MARCHF1: variants seen among roughly 807,000 people sequenced by gnomAD.
The protein encoded by MARCHF1 is E3 ubiquitin-protein ligase MARCHF1.
A neutral mutation model predicts 54.2 loss-of-function variants in MARCHF1; 40 were observed. The observed-to-expected ratio is 0.74, with a 90% CI of 0.57 to 0.96. The LOEUF (loss-of-function observed/expected upper bound fraction) is 0.96. Ranked by LOEUF, MARCHF1 falls within the 40% of genes least tolerant of loss-of-function variation. MARCHF1 has a pLI of 0.00. For missense variants in MARCHF1, 586 were observed against 656.5 expected (o/e 0.89, Z 1.17); for synonymous variants, 236 against 236.3 (o/e 1.00, Z 0.01).
At chr4:163,898,538 T>C (rs889786169) in intron 3 of MARCHF1, among the ~76,000 whole-genome samples, 3 of 152,162 alleles carry the variant, frequency 2.0e-5, no homozygotes, top group African/African-American at 7.2e-5. Context: ...GAACAACAGA[T>C]GTTGGTGAGG....
At chr4:164,110,121 G>T (rs1227314786) in intron 2 of MARCHF1, among the ~76,000 whole-genome samples, 1 of 51,800 alleles carries the variant, frequency 1.9e-5, no homozygotes, top group Non-Finnish European at 4.8e-5. Flanking sequence ...TGGAATTGGA[G>T]ATACACACAC....
In MARCHF1 at chr4:163,710,490, C is replaced by A. The variant is rs1055573108; in HGVS notation, c.112-9627G>T. ...AATATCAAAAATATCTAAAGAAGAG[C>A]TCCCTTTTCTCCCTAAAAAATATTA... On this transcript the variant is annotated intron_variant, in intron 4 of 9. Transcript: ENST00000514618. Among the ~76,000 whole-genome samples, 7 of 152,184 alleles carry A rather than the reference C, an allele frequency of 4.6e-5. No homozygotes were observed. The East Asian group carries it at 1.4e-3, about 29-fold the overall frequency.
intron 4 of MARCHF1, among the ~76,000 whole-genome samples, chr4:163,804,119 A>G (rs967170929): frequency 6.6e-6 from 1 of 152,248 alleles, no homozygotes; most frequent in Non-Finnish European, 1.5e-5. Flanking sequence ...AAGAACTGTC[A>G]TTATAGAACT....
At chr4:164,141,342 T>C (rs1466584547) in intron 1 of MARCHF1, among the ~76,000 whole-genome samples, 1 of 152,214 alleles carries the variant, frequency 6.6e-6, no homozygotes, top group Non-Finnish European at 1.5e-5. Context: ...TTTTATTTGC[T>C]TCATCTAAAA....
chr4:163,923,514 A>G (rs1751475018), intron 3 of MARCHF1, among the ~76,000 whole-genome samples: 1 of 152,116 alleles, frequency 6.6e-6, no homozygotes, highest in Admixed American at 6.6e-5. Flanking sequence ...TGAGCATTAC[A>G]GTTTTTATTA....
intron 4 of MARCHF1, among the ~76,000 whole-genome samples, chr4:163,773,668 G>A (rs1195876565): frequency 6.6e-6 from 1 of 152,142 alleles, no homozygotes; most frequent in East Asian, 1.9e-4. Context: ...AGCAATGGGT[G>A]ACACCTCATT....
intron 7 of MARCHF1, among the ~76,000 whole-genome samples, chr4:163,602,030 G>T (rs1740989043): frequency 6.6e-6 from 1 of 151,460 alleles, no homozygotes; most frequent in Non-Finnish European, 1.5e-5. Context: ...TAAGAACAAG[G>T]CATATCTTTA....
At chr4:163,901,656 G>T (rs1203755153) in intron 3 of MARCHF1, among the ~76,000 whole-genome samples, 1 of 152,174 alleles carries the variant, frequency 6.6e-6, no homozygotes, top group Non-Finnish European at 1.5e-5. Flanking sequence ...GGTTGTGAAG[G>T]CCTAGGCAGT....
chr4:164,159,428 T>C (rs146617733), intron 1 of MARCHF1, among the ~76,000 whole-genome samples: 36 of 152,320 alleles, frequency 2.4e-4, no homozygotes, highest in Admixed American at 2.4e-3. Flanking sequence ...ATTCATTGAA[T>C]AAATGTTTCT....
chr4:163,986,246 CTTCTTTTTT>C (rs1553967966), intron 3 of MARCHF1, among the ~76,000 whole-genome samples: 1,134 of 73,754 alleles, frequency 0.015, 135 homozygotes, highest in Non-Finnish European at 0.024. Flanking sequence ...TAATTAACCT[CTTCTTTTTT>C]TTTTTTTTTT....
chr4:164,166,099 C>G (rs1730372987), intron 1 of MARCHF1, among the ~76,000 whole-genome samples: 1 of 151,956 alleles, frequency 6.6e-6, no homozygotes, highest in Admixed American at 6.6e-5. Flanking sequence ...AAGACACACT[C>G]CCACTGGAAT....
intron 1 of MARCHF1, among the ~76,000 whole-genome samples, chr4:164,331,977 T>C (rs1393935370): frequency 1.3e-5 from 2 of 152,196 alleles, no homozygotes; most frequent in Non-Finnish European, 2.9e-5. Context: ...TCCCACATAG[T>C]TCAATGCTCC....
At chr4:164,100,499 A>G (rs1304575275) in intron 2 of MARCHF1, among the ~76,000 whole-genome samples, 2 of 152,250 alleles carry the variant, frequency 1.3e-5, no homozygotes, top group Non-Finnish European at 2.9e-5. Context: ...TAGAATTGCC[A>G]GCAATACAGG....
intron 2 of MARCHF1, among the ~76,000 whole-genome samples, chr4:164,109,259 A>T (rs1342311780): frequency 6.6e-6 from 1 of 152,026 alleles, no homozygotes; most frequent in Non-Finnish European, 1.5e-5. Context: ...AAGCACTTTC[A>T]TCCCCCAGAC....
chr4:163,993,615 A>G (rs893367426), intron 2 of MARCHF1, among the ~76,000 whole-genome samples: 18 of 152,118 alleles, frequency 1.2e-4, no homozygotes, highest in African/African-American at 4.3e-4. Flanking sequence ...AATATGTGTG[A>G]TAATTACAGC....
At chr4:164,235,575 G>A (rs1384848996) in intron 1 of MARCHF1, among the ~76,000 whole-genome samples, 1 of 152,070 alleles carries the variant, frequency 6.6e-6, no homozygotes, top group African/African-American at 2.4e-5. Context: ...TGCAGAAACT[G>A]GCATGGCAGC....
chr4:164,082,884 G>C (rs559218863), intron 2 of MARCHF1, among the ~76,000 whole-genome samples: 87 of 152,236 alleles, frequency 5.7e-4, no homozygotes, highest in Non-Finnish European at 1.2e-3. Flanking sequence ...CAGCCATGTG[G>C]AATATTGAAA....
At chr4:163,679,518 T>G (rs1234314880) in intron 5 of MARCHF1, among the ~76,000 whole-genome samples, 1 of 152,182 alleles carries the variant, frequency 6.6e-6, no homozygotes, top group Admixed American at 6.5e-5. Flanking sequence ...ATAAGTGACC[T>G]TTTAAAGCAG....
intron 3 of MARCHF1, chr4:163,932,878 T>A (rs1388909654): frequency 1.6e-6 from 1 of 632,072 alleles, no homozygotes; most frequent in Non-Finnish European, 3.1e-6. Flanking sequence ...TATCTGAAAA[T>A]GAAGGGTGAT....
Sources: allele counts gnomAD v4.1 joint callset (sites outside exome capture counted in the v4.1 genomes callset), GRCh38; gene constraint gnomAD v4.1.1; transcripts MANE v1.5; gene names NCBI Gene and HGNC (gene_info 2026-07-23, HGNC 2026-07-21).